Variants in FARP1 observed in about 807,000 individuals in gnomAD.
The protein encoded by FARP1 is FERM, ARHGEF and pleckstrin domain-containing protein 1.
Under a neutral mutation model 128.8 loss-of-function variants are expected in FARP1, and 52 were observed. The observed-to-expected ratio is 0.40, with a 90% CI of 0.32 to 0.51. The LOEUF is 0.51. FARP1 is among the 20% of genes least tolerant of loss of function. The probability of loss-of-function intolerance (pLI) is 0.45; values close to 1 mark genes in which losing one functional copy is unlikely to be tolerated. For missense variants in FARP1, 1,333 were observed against 1,367.9 expected, an observed-to-expected ratio of 0.97 and a Z score of 0.40; for synonymous variants, 580 against 551.8, an observed-to-expected ratio of 1.05 and a Z score of -0.72.
intron 2 of FARP1, among the ~76,000 whole-genome samples, chr13:98,249,249 GT>G (rs1883213617): frequency 6.6e-6 from 1 of 152,102 alleles, no homozygotes; most frequent in Non-Finnish European, 1.5e-5. Context: ...GAATTTTCAG[GT>G]ATCTTTTGTG....
chr13:98,385,636 T>C, intron 7 of FARP1, 31 bp from the exon 8 acceptor site: 2 of 1,613,078 alleles, frequency 1.2e-6, no homozygotes, highest in Non-Finnish European at 1.7e-6. Context: ...TCAAATCTCC[T>C]GGCCTTTCTG....
At position 98,448,216 on chromosome 13, in the gene FARP1, C is replaced by T. The variant is rs114282870; in HGVS notation, c.3057-20C>T. ...TCCGTCCAAACAAAAGGTTGACTAACTGGCGTTCCCGTGTTGCAGGTGGAT... is the reference window on the plus strand; with the variant it reads ...TCCGTCCAAACAAAAGGTTGACTAATTGGCGTTCCCGTGTTGCAGGTGGAT... On this transcript the variant is annotated intron_variant, in intron 26 of 26. Coordinates refer to ENST00000319562, the MANE Select transcript of FARP1 (RefSeq NM_005766.4). 2,505 of 1,607,366 alleles carry T rather than the reference C, an allele frequency of 1.6e-3. 41 individuals are homozygous for T. In the African/African-American group the frequency reaches 0.03, roughly 19 times the overall value.
chr13:98,226,324 T>A (rs1274064821), intron 2 of FARP1, among the ~76,000 whole-genome samples: 1 of 152,236 alleles, frequency 6.6e-6, no homozygotes, highest in African/African-American at 2.4e-5. Flanking sequence ...ATTTTCTTGC[T>A]GCGCAAGTGT....
Position 98,362,847 on chromosome 13 carries a change from A to G in FARP1, c.277-2548A>G, listed in dbSNP as rs541561987. ...CAGTGTCTGCCCAGATGCCTGCTGC[A>G]GAAATCTCAGTGTTATTCCGGTTAT... On this transcript the variant is annotated intron_variant, in intron 3 of 26. Transcript: ENST00000319562. 1.6e-3 allele frequency among the ~76,000 whole-genome samples: 242 copies of G among 152,356 alleles called. 1 individual carries two copies. The highest frequency in any genetic ancestry group is 5.5e-3 in the African/African-American group (229 of 41,584).
intron 16 of FARP1, among the ~76,000 whole-genome samples, chr13:98,413,621 C>T (rs532974207): frequency 1.3e-5 from 2 of 152,318 alleles, no homozygotes; most frequent in South Asian, 2.1e-4. Context: ...GACTGTGCCA[C>T]TGCACTCCAG....
intron 2 of FARP1, among the ~76,000 whole-genome samples, chr13:98,216,959 C>G (rs761537887): frequency 2.6e-5 from 4 of 152,196 alleles, no homozygotes; most frequent in Admixed American, 6.5e-5. Flanking sequence ...GCTTTCTCTT[C>G]CAACCAGAGG....
intron 4 of FARP1, among the ~76,000 whole-genome samples, chr13:98,366,534 T>C (rs1291158001): frequency 6.6e-6 from 1 of 152,158 alleles, no homozygotes; most frequent in East Asian, 1.9e-4. Context: ...CTGCTAACAG[T>C]GGCAAGGTAT....
intron 5 of FARP1, among the ~76,000 whole-genome samples, chr13:98,375,357 G>T (rs533267527): frequency 4.7e-4 from 72 of 152,062 alleles, no homozygotes; most frequent in Non-Finnish European, 8.5e-4. Flanking sequence ...TATTATTCTT[G>T]CTATGTTATA....
At chr13:98,238,152 A>G (rs1381795118) in intron 2 of FARP1, among the ~76,000 whole-genome samples, 1 of 152,216 alleles carries the variant, frequency 6.6e-6, no homozygotes, top group Non-Finnish European at 1.5e-5. Context: ...TCTCCCGACT[A>G]AGAGGCAGTA....
At chr13:98,265,535 G>A (rs1230766654) in intron 2 of FARP1, among the ~76,000 whole-genome samples, 2 of 151,180 alleles carry the variant, frequency 1.3e-5, no homozygotes, top group African/African-American at 2.4e-5. Flanking sequence ...TAGCCGGGAT[G>A]GTCTCGATCT....
chr13:98,362,003 C>A (rs1319798799), intron 3 of FARP1, among the ~76,000 whole-genome samples: 2 of 152,186 alleles, frequency 1.3e-5, no homozygotes, highest in Non-Finnish European at 2.9e-5. Flanking sequence ...GTGGCTCATG[C>A]CTATAATCCC....
intron 2 of FARP1, among the ~76,000 whole-genome samples, chr13:98,309,324 G>A (rs1380737231): frequency 4.3e-5 from 6 of 139,286 alleles, no homozygotes; most frequent in Non-Finnish European, 7.6e-5. Flanking sequence ...CCACCATCAC[G>A]CCCGGCTATT....
chr13:98,389,580 G>A (rs543333096), intron 9 of FARP1: 10 of 169,078 alleles, frequency 5.9e-5, no homozygotes, highest in Admixed American at 2.3e-4. Context: ...GAGGATGAAC[G>A]TTGCGTTTCA....
rs963711745 is a variant in FARP1 at position 98,317,084 on chromosome 13, C to T, written c.172-26678C>T. Among the ~76,000 whole-genome samples the T allele has an allele frequency of 4.6e-5, 7 of 152,132 alleles. No individual in the cohort carries two copies. The South Asian group carries it at 6.2e-4, about 14-fold the overall frequency. On this transcript the variant is annotated intron_variant, in intron 2 of 26. Coordinates refer to ENST00000319562, the MANE Select transcript of FARP1 (RefSeq NM_005766.4). ...ACACACAGCCATGTGGAGTGCAGGG[C>T]GACTTCTCTCTGCTTCCAGCTGCCA...
chr13:98,434,266 C>G (rs1025722738), intron 18 of FARP1: 1 of 151,266 alleles, frequency 6.6e-6, no homozygotes, highest in African/African-American at 2.5e-5. Context: ...CTCCCCACTA[C>G]CCCCCAGCCC....
At chr13:98,146,935 C>G (rs1159778439) in intron 1 of FARP1, among the ~76,000 whole-genome samples, 1 of 152,204 alleles carries the variant, frequency 6.6e-6, no homozygotes, top group Non-Finnish European at 1.5e-5. Flanking sequence ...TCCTTTCTCT[C>G]TGTTTCACCC....
chr13:98,171,691 A>G (rs1453674850), intron 1 of FARP1, among the ~76,000 whole-genome samples: 1 of 152,212 alleles, frequency 6.6e-6, no homozygotes, highest in Non-Finnish European at 1.5e-5. Context: ...CCAGAGCTAC[A>G]TTGTTAAAAA....
At chr13:98,343,913 T>C (rs1369830398) in intron 3 of FARP1, 47 bp downstream of exon 3, 3 of 1,262,208 alleles carry the variant, frequency 2.4e-6, no homozygotes, top group Non-Finnish European at 3.5e-6. Context: ...CTGTTCATCT[T>C]GGTGGGGGGC....
chr13:98,287,206 G>GTATTTTTTTTTTTTTTT, intron 2 of FARP1, among the ~76,000 whole-genome samples: 1 of 87,756 alleles, frequency 1.1e-5, no homozygotes, highest in Non-Finnish European at 2.3e-5. Flanking sequence ...CATCAGACAT[G>GTATTTTTTTTTTTTTTT]TCTTTTTTTT....
Sources: gnomAD v4.1 joint callset for allele counts (sites outside exome capture counted in the v4.1 genomes callset) on GRCh38, gnomAD v4.1.1 for gene constraint, MANE v1.5 for transcripts, NCBI Gene and HGNC (gene_info 2026-07-23, HGNC 2026-07-21) for gene names.